TTC14: variants seen among roughly 807,000 people sequenced by gnomAD.
TTC14 encodes the protein tetratricopeptide repeat domain 14, also known as tetratricopeptide repeat protein 14.
In TTC14, 63 loss-of-function variants were observed where a neutral mutation model predicts 79.9. The ratio of observed to expected loss-of-function variants is 0.79; its 90% confidence interval spans 0.64 to 0.97. TTC14 has a LOEUF of 0.97. Ranked by LOEUF, TTC14 falls within the 50% of genes least tolerant of loss-of-function variation. The pLI is 0.00. For synonymous variants in TTC14, 335 were observed against 309.6 expected (o/e 1.08, Z -0.86); for missense variants, 895 against 894.0 (o/e 1.00, Z -0.01).
chr3:180,617,375 T>C, intron 12 of TTC14: 1 of 582,710 alleles, frequency 1.7e-6, no homozygotes, highest in South Asian at 2.6e-5. Context: ...TTTATTATTT[T>C]ACAGTGTACT....
downstream of TTC14, chr3:180,614,063 C>T: frequency 3.4e-6 from 1 of 295,560 alleles, no homozygotes; most frequent in Non-Finnish European, 6.7e-6. Flanking sequence ...CACTCTATTC[C>T]AAGAGTACAA....
In TTC14 at chr3:180,610,488, ATT is replaced by A; in HGVS notation, c.2261_2262del (p.Phe754Ter). On this transcript the variant is annotated frameshift_variant, in exon 12 of 12. Coordinates refer to ENST00000296015, the MANE Select transcript of TTC14 (RefSeq NM_133462.4). LOFTEE classifies it high-confidence loss of function. ...ATTTACCTCAGAATTTACTGAATAT[ATT>A]TAATCAGATAGCTGAATTTGAAAAA... ...KNLPQNLLNI[F>X]NQIAEFEKEK... The A allele has an allele frequency of 1.3e-6, 2 of 1,592,390 alleles. No homozygotes were observed. The highest frequency in any genetic ancestry group is 1.7e-6 in the Non-Finnish European group (2 of 1,174,044).
chr3:180,607,999 T>C, intron 10 of TTC14: 1 of 1,251,408 alleles, frequency 8.0e-7, no homozygotes, highest in Non-Finnish European at 1.0e-6. Flanking sequence ...TGGTATGTTG[T>C]TTTGAGAAAT....
intron 10 of TTC14, chr3:180,608,412 C>A: frequency 1.0e-6 from 1 of 986,934 alleles, no homozygotes; most frequent in Non-Finnish European, 1.2e-6. Flanking sequence ...TTTTTTTTAA[C>A]CTTTCTTGCA....
At chr3:180,616,224 A>G (rs1717232238) in intron 12 of TTC14, 2 of 1,452,582 alleles carry the variant, frequency 1.4e-6, no homozygotes, top group Non-Finnish European at 1.9e-6. Context: ...AGTGGCTGGA[A>G]TCACTTAGTG....
At chr3:180,603,588 C>G (rs1443847032) in intron 3 of TTC14, 3 of 439,826 alleles carry the variant, frequency 6.8e-6, no homozygotes, top group Admixed American at 7.7e-5. Flanking sequence ...TATCAGTGGA[C>G]GTGGTGAGGT....
At chr3:180,615,347 T>C (rs1244539942), downstream of TTC14, among the ~76,000 whole-genome samples, 1 of 152,058 alleles carries the variant, frequency 6.6e-6, no homozygotes, top group Non-Finnish European at 1.5e-5. Flanking sequence ...TATAATCAGT[T>C]TTTTAGAGTT....
At chr3:180,602,550 G>A in intron 1 of TTC14, 128 bp downstream of exon 1, 1 of 1,290,916 alleles carries the variant, frequency 7.7e-7, no homozygotes, top group South Asian at 1.5e-5. Context: ...ATCGCGCGCT[G>A]GTGTCTTGGG....
At chr3:180,614,866 T>G (rs1717170359), downstream of TTC14, 1 of 1,482,468 alleles carries the variant, frequency 6.7e-7, no homozygotes, top group Non-Finnish European at 9.1e-7. Context: ...GTTTTGTATT[T>G]TAAAGTATAT....
In TTC14 at chr3:180,604,458, C is replaced by G. The variant is rs369255218; in HGVS notation, c.572-20C>G. 4 of 1,569,316 alleles carry G rather than the reference C, an allele frequency of 2.5e-6. No homozygotes were observed. In the African/African-American group the frequency reaches 5.7e-5, roughly 23 times the overall value. On this transcript the variant is annotated intron_variant, in intron 4 of 11. Coordinates refer to ENST00000296015, the MANE Select transcript of TTC14 (RefSeq NM_133462.4). ...CATTTTCTTACTAATCAGCTTAGTT[C>G]TCTTTTTTTTTTTCTTAAGCTGGAA...
At chr3:180,614,187 A>G (rs148310806), downstream of TTC14, 24 of 160,564 alleles carry the variant, frequency 1.5e-4, no homozygotes, top group East Asian at 4.3e-3. Context: ...CCTAGCTTTC[A>G]TTAAATCGTT....
At chr3:180,603,899 T>C (rs950859243) in intron 3 of TTC14, 7 of 289,696 alleles carry the variant, frequency 2.4e-5, no homozygotes, top group East Asian at 8.7e-5. Context: ...CTTTGGAGAA[T>C]TGGCATTTCA....
Position 180,602,915 on chromosome 3 carries a change from C to T in TTC14, c.186C>T (p.Ile62=), listed in dbSNP as rs770077504. 19 of 1,612,852 alleles carry T rather than the reference C, an allele frequency of 1.2e-5. No individual in the cohort carries two copies. In the Admixed American group the frequency reaches 2.8e-4, roughly 24 times the overall value. The change falls in exon 2 of 12, where the codon ATC becomes ATT. Residue 62 remains isoleucine, a synonymous_variant. Coordinates refer to ENST00000296015, the MANE Select transcript of TTC14 (RefSeq NM_133462.4). ...GAAAAGAGAAGAGAGTTGACAACAT[C>T]GAGATACAGAAATTCATCTCCAAAA... The part of the protein sequence containing the change: ...QGRKEKRVDN[I]EIQKFISKKA...
downstream of TTC14, chr3:180,614,582 C>T (rs1717157062): frequency 5.0e-6 from 1 of 201,900 alleles, no homozygotes; most frequent in Non-Finnish European, 9.9e-6. Context: ...TTAGAAATTT[C>T]TTCTTGAAAG....
Position 180,610,621 on chromosome 3 carries a change from G to A in TTC14, c.*79G>A. 1 of 1,490,024 alleles carries A rather than the reference G, an allele frequency of 6.7e-7. No individual in the cohort carries two copies. The highest frequency in any genetic ancestry group is 8.9e-7 in the Non-Finnish European group (1 of 1,125,974). 92.3% of individuals were successfully genotyped at this position (1,490,024 alleles called of 1,614,324 possible). A position where few individuals can be genotyped will look rare whatever the true frequency, so the allele number is the denominator to read the frequency against. ...GTTGTATTAGTCATAACAGTTGAGT[G>A]CAGAAATCTCTGCTTCTAAAATTAT... On this transcript the variant is annotated 3_prime_UTR_variant, in exon 12 of 12. Transcript: ENST00000296015.
At chr3:180,613,396 T>C (rs543598984), downstream of TTC14, among the ~76,000 whole-genome samples, 2 of 152,302 alleles carry the variant, frequency 1.3e-5, no homozygotes, top group Admixed American at 6.5e-5. Context: ...AGAACTGTTA[T>C]TTAAGGATTA....
intron 10 of TTC14, 118 bp from the exon 11 acceptor site, chr3:180,608,583 A>C: frequency 7.5e-7 from 1 of 1,335,126 alleles, no homozygotes; most frequent in African/African-American, 1.5e-5. Flanking sequence ...TGCTGGCTCT[A>C]TGGTGATTTG....
In TTC14 at chr3:180,602,964, T is replaced by C. The variant is rs1383483285; in HGVS notation, c.235T>C (p.Ser79Pro). The change falls in exon 2 of 12, where the codon TCC becomes CCC. Residue 79 changes from serine to proline, a missense_variant. Ser to Pro is a moderately conservative substitution (Grantham distance 74, BLOSUM62 -1). Transcript: ENST00000296015. ...AAAAGCGGATCTGCTTTTTGCACTT[T>C]CCTGGAAATCAGATGCACCTGCAAC... The part of the protein sequence containing the change: ...SKKADLLFAL[S>P]WKSDAPATSE... 1.2e-6 allele frequency: 2 copies of C among 1,613,968 alleles called. No individual in the cohort carries two copies. Among genetic ancestry groups the C allele is most frequent in the Admixed American group, 1.7e-5 (1 of 59,998 alleles).
chr3:180,606,456 CTCTA>C, intron 8 of TTC14, 21 bp from the exon 9 acceptor site: 1 of 1,613,400 alleles, frequency 6.2e-7, no homozygotes, highest in Non-Finnish European at 8.5e-7. Flanking sequence ...AGATACAGCC[CTCTA>C]TCTTTGTTTC....
Sources: gnomAD v4.1 joint callset for allele counts (sites outside exome capture counted in the v4.1 genomes callset) on GRCh38, gnomAD v4.1.1 for gene constraint, MANE v1.5 for transcripts, NCBI Gene and HGNC (gene_info 2026-07-23, HGNC 2026-07-21) for gene names.